NKAIN2: variants seen among roughly 807,000 people sequenced by gnomAD.
The protein encoded by NKAIN2 is sodium/potassium-transporting ATPase subunit beta-1-interacting protein 2.
In NKAIN2, 14 loss-of-function variants were observed where a neutral mutation model predicts 32.6. The ratio of observed to expected loss-of-function variants is 0.43; its 90% CI spans 0.28 to 0.67. The LOEUF (loss-of-function observed/expected upper bound fraction) is 0.67, where lower values mean the gene tolerates loss of function less well. Ranked by LOEUF, NKAIN2 falls within the 30% of genes least tolerant of loss-of-function variation. The probability of loss-of-function intolerance (pLI) is 0.17; values close to 1 mark genes in which losing one functional copy is unlikely to be tolerated. For synonymous variants in NKAIN2, 80 were observed against 87.2 expected, an observed-to-expected ratio of 0.92 and a Z score of 0.46; for missense variants, 198 against 258.3, an observed-to-expected ratio of 0.77 and a Z score of 1.60.
intron 4 of NKAIN2, among the ~76,000 whole-genome samples, chr6:124,706,396 T>C (rs1462610741): frequency 6.6e-6 from 1 of 152,150 alleles, no homozygotes; most frequent in Non-Finnish European, 1.5e-5. Flanking sequence ...GGGCTCTTCA[T>C]TGCTGTTATT....
chr6:124,125,674 G>A (rs1786128260), intron 1 of NKAIN2, among the ~76,000 whole-genome samples: 1 of 152,078 alleles, frequency 6.6e-6, no homozygotes, highest in African/African-American at 2.4e-5. Context: ...GCTTCAGCAG[G>A]CACTAACAAT....
At chr6:124,661,882 A>G (rs1232149124) in intron 4 of NKAIN2, among the ~76,000 whole-genome samples, 1 of 106,506 alleles carries the variant, frequency 9.4e-6, no homozygotes, top group East Asian at 3.1e-4. Context: ...GTTACAGAAA[A>G]ATTAATCGGA....
intron 4 of NKAIN2, among the ~76,000 whole-genome samples, chr6:124,711,826 G>A (rs1435057529): frequency 6.6e-6 from 1 of 152,186 alleles, no homozygotes; most frequent in African/African-American, 2.4e-5. Context: ...GCTCGTCAAA[G>A]TCATTCTCCA....
intron 3 of NKAIN2, among the ~76,000 whole-genome samples, chr6:124,514,780 A>AAGCTCATG (rs1432135466): frequency 6.6e-6 from 1 of 151,698 alleles, no homozygotes. Flanking sequence ...AAAAAAAAAA[A>AAGCTCATG]AGCTCATGCC....
At chr6:124,129,128 C>CG (rs1357543754) in intron 1 of NKAIN2, among the ~76,000 whole-genome samples, 3 of 152,096 alleles carry the variant, frequency 2.0e-5, no homozygotes, top group Non-Finnish European at 2.9e-5. Flanking sequence ...ATTGTCAGTA[C>CG]GTTTTGGATT....
rs139405053 is a variant in NKAIN2 at position 124,490,834 on chromosome 6, G to T, written c.273+135487G>T. The stretch of plus-strand genomic sequence containing the variant: ...GTAAATGAGAGCAGAGGGCTAGAGT[G>T]CATTTTATCTAATCACTGTATTATT... On this transcript the variant is annotated intron_variant, in intron 3 of 6. Coordinates refer to ENST00000368417, the MANE Select transcript of NKAIN2 (RefSeq NM_001040214.3). Among the ~76,000 whole-genome samples the T allele has an allele frequency of 7.3e-3, 1,108 of 151,822 alleles. 10 individuals are homozygous for T. The highest frequency in any genetic ancestry group is 0.034 in the Middle Eastern group (10 of 294).
At chr6:124,501,855 A>G (rs1165599220) in intron 3 of NKAIN2, among the ~76,000 whole-genome samples, 1 of 152,098 alleles carries the variant, frequency 6.6e-6, no homozygotes, top group Non-Finnish European at 1.5e-5. Context: ...TAGTGTGCAT[A>G]TTAACATAGA....
intron 2 of NKAIN2, among the ~76,000 whole-genome samples, chr6:124,285,738 T>G (rs1795509000): frequency 6.6e-6 from 1 of 152,140 alleles, no homozygotes; most frequent in Non-Finnish European, 1.5e-5. Flanking sequence ...AAAATCTGCT[T>G]ATAACTTTCT....
intron 1 of NKAIN2, among the ~76,000 whole-genome samples, chr6:124,202,233 C>T (rs1424434109): frequency 6.6e-6 from 1 of 151,882 alleles, no homozygotes; most frequent in African/African-American, 2.4e-5. Context: ...GCCAGTTGCA[C>T]CTGTAAATAT....
At chr6:123,975,737 A>G (rs9398746) in intron 1 of NKAIN2, among the ~76,000 whole-genome samples, 40,425 of 151,852 alleles carry the variant, frequency 0.27, 5,921 homozygotes, top group East Asian at 0.44. Context: ...TTATAAAGGC[A>G]CCAATCCCAT....
At chr6:124,099,863 G>A (rs1247135629) in intron 1 of NKAIN2, among the ~76,000 whole-genome samples, 1 of 152,144 alleles carries the variant, frequency 6.6e-6, no homozygotes, top group South Asian at 2.1e-4. Context: ...GAGGGTTAAA[G>A]CCTTTGTATG....
chr6:124,145,085 A>G (rs1377937993), intron 1 of NKAIN2, among the ~76,000 whole-genome samples: 1 of 152,220 alleles, frequency 6.6e-6, no homozygotes, highest in Non-Finnish European at 1.5e-5. Flanking sequence ...AGATATCACT[A>G]CACATATATC....
intron 1 of NKAIN2, among the ~76,000 whole-genome samples, chr6:123,998,289 T>C (rs1370244395): frequency 6.6e-6 from 1 of 152,192 alleles, no homozygotes; most frequent in African/African-American, 2.4e-5. Flanking sequence ...TCTAATGATA[T>C]ATCCTCCATT....
chr6:124,299,909 G>T (rs186763437), intron 2 of NKAIN2, among the ~76,000 whole-genome samples: 1 of 152,124 alleles, frequency 6.6e-6, no homozygotes, highest in African/African-American at 2.4e-5. Flanking sequence ...CAGTATGTGC[G>T]ATGTTTCACA....
intron 3 of NKAIN2, among the ~76,000 whole-genome samples, chr6:124,473,536 A>AAAAATTATC (rs1449720909): frequency 5.9e-5 from 9 of 152,190 alleles, no homozygotes; most frequent in African/African-American, 2.2e-4. Flanking sequence ...AAAGTCTTAC[A>AAAAATTATC]AAAATTATCT....
At chr6:124,232,458 C>A (rs971655426) in intron 1 of NKAIN2, among the ~76,000 whole-genome samples, 2 of 152,036 alleles carry the variant, frequency 1.3e-5, no homozygotes, top group African/African-American at 4.8e-5. Flanking sequence ...TGATAAATAG[C>A]AGAATCTTTG....
intron 1 of NKAIN2, among the ~76,000 whole-genome samples, chr6:123,899,100 A>T (rs779263077): frequency 6.6e-6 from 1 of 152,222 alleles, no homozygotes; most frequent in Non-Finnish European, 1.5e-5. Flanking sequence ...CATATGAATA[A>T]ATCTGTATCT....
chr6:124,294,122 G>A (rs117291419), intron 2 of NKAIN2, among the ~76,000 whole-genome samples: 394 of 152,236 alleles, frequency 2.6e-3, no homozygotes, highest in Non-Finnish European at 4.7e-3. Flanking sequence ...TAGGGTGGCT[G>A]TGTCTGGTTA....
intron 1 of NKAIN2, among the ~76,000 whole-genome samples, chr6:123,995,870 A>G (rs1779601606): frequency 6.6e-6 from 1 of 152,196 alleles, no homozygotes; most frequent in South Asian, 2.1e-4. Context: ...GTCATTCATT[A>G]TTATTATTAC....
Sources: allele counts gnomAD v4.1 joint callset (sites outside exome capture counted in the v4.1 genomes callset), GRCh38; gene constraint gnomAD v4.1.1; transcripts MANE v1.5; gene names NCBI Gene and HGNC (gene_info 2026-07-23, HGNC 2026-07-21).